GNAQ: variants seen among roughly 807,000 people sequenced by gnomAD.
The protein encoded by GNAQ is G protein subunit alpha q.
In GNAQ, 8 loss-of-function variants were observed where a neutral mutation model predicts 43.9. The observed-to-expected ratio is 0.18, with a 90% CI of 0.11 to 0.33. The LOEUF is 0.33. Ranked by LOEUF, GNAQ falls within the 10% of genes least tolerant of loss-of-function variation. The pLI is 1.00. For synonymous variants in GNAQ, 155 were observed against 170.7 expected (o/e 0.91, Z 0.71); for missense variants, 158 against 450.8 (o/e 0.35, Z 5.88).
At chr9:77,762,184 G>C (rs1275357848) in intron 5 of GNAQ, among the ~76,000 whole-genome samples, 1 of 129,806 alleles carries the variant, frequency 7.7e-6, no homozygotes, top group Non-Finnish European at 1.7e-5. Flanking sequence ...GCCTCTGCCC[G>C]GCCACCCCTA....
At chr9:77,898,909 A>G (rs1156784142) in intron 2 of GNAQ, among the ~76,000 whole-genome samples, 1 of 152,204 alleles carries the variant, frequency 6.6e-6, no homozygotes, top group Admixed American at 6.5e-5. Context: ...TATAAAAGAC[A>G]TAATATATCA....
intron 1 of GNAQ, among the ~76,000 whole-genome samples, chr9:77,969,386 C>T (rs1444085067): frequency 3.9e-5 from 6 of 152,142 alleles, no homozygotes; most frequent in Admixed American, 3.9e-4. Flanking sequence ...CCAATTTAAA[C>T]TCAGGAATTA....
intron 1 of GNAQ, among the ~76,000 whole-genome samples, chr9:77,942,417 T>C (rs1341967498): frequency 2.6e-5 from 4 of 152,232 alleles, no homozygotes; most frequent in African/African-American, 7.2e-5. Flanking sequence ...GAGTTGTTTT[T>C]CTTAATTCTG....
intron 1 of GNAQ, among the ~76,000 whole-genome samples, chr9:77,973,044 T>C (rs1305019404): frequency 6.6e-6 from 1 of 150,508 alleles, no homozygotes; most frequent in Non-Finnish European, 1.5e-5. Context: ...ACATACCACA[T>C]TACTGGACTT....
chr9:77,830,038 G>T (rs1827272537), intron 2 of GNAQ, among the ~76,000 whole-genome samples: 1 of 152,152 alleles, frequency 6.6e-6, no homozygotes, highest in South Asian at 2.1e-4. Context: ...CTACAGCCTT[G>T]ATCTCCAGGG....
At chr9:77,814,133 G>A (rs949913270) in intron 3 of GNAQ, among the ~76,000 whole-genome samples, 6 of 151,996 alleles carry the variant, frequency 3.9e-5, no homozygotes, top group African/African-American at 1.2e-4. Flanking sequence ...AGAGGGGGCA[G>A]GAGTAAAAAA....
At chr9:78,003,827 G>GA (rs1259129631) in intron 1 of GNAQ, among the ~76,000 whole-genome samples, 19 of 136,384 alleles carry the variant, frequency 1.4e-4, no homozygotes, top group African/African-American at 2.2e-4. Flanking sequence ...AAAAAAAAAA[G>GA]AAAAAAAAAA....
At chr9:77,898,405 T>C (rs112243875) in intron 2 of GNAQ, among the ~76,000 whole-genome samples, 3 of 152,320 alleles carry the variant, frequency 2.0e-5, no homozygotes, top group African/African-American at 7.2e-5. Flanking sequence ...TCTAGGCTAT[T>C]GCCTATTCAG....
At chr9:77,736,567 G>T (rs932787761) in intron 5 of GNAQ, among the ~76,000 whole-genome samples, 3 of 152,158 alleles carry the variant, frequency 2.0e-5, no homozygotes, top group African/African-American at 7.2e-5. Flanking sequence ...GAGAAGAAAA[G>T]AAATAGAACA....
chr9:77,995,501 T>C (rs1823557498), intron 1 of GNAQ, among the ~76,000 whole-genome samples: 1 of 152,034 alleles, frequency 6.6e-6, no homozygotes, highest in African/African-American at 2.4e-5. Context: ...TATATATATA[T>C]TTTTTCCTTC....
chr9:77,897,012 C>T (rs1417931702), intron 2 of GNAQ, among the ~76,000 whole-genome samples: 1 of 152,188 alleles, frequency 6.6e-6, no homozygotes, highest in Admixed American at 6.5e-5. Flanking sequence ...TACAATGATA[C>T]TTAATTATAA....
chr9:77,786,239 G>A (rs145326322), intron 5 of GNAQ, among the ~76,000 whole-genome samples: 1,836 of 151,762 alleles, frequency 0.012, 37 homozygotes, highest in African/African-American at 0.041. Context: ...TTAGCTGGGC[G>A]TGGTGGCGGG....
rs1429838328 is a variant in GNAQ, at chr9:77,720,071, C to T, written c.*1252G>A. On this transcript the variant is annotated 3_prime_UTR_variant, in exon 7 of 7. Transcript: ENST00000286548. ...TAAACAGATTTCCTGTTAAACCACA[C>T]AGGATACTTTTTACATTGCCGGTTT... 1.7e-5 allele frequency: 4 copies of T among 232,590 alleles called. No homozygotes were observed. The highest frequency in any genetic ancestry group is 3.4e-5 in the Non-Finnish European group (4 of 117,790). The allele number at this position is 232,590 out of a possible 1,614,324, so 14.4% of individuals were successfully genotyped here.
chr9:77,762,155 C>G (rs558339618), intron 5 of GNAQ, among the ~76,000 whole-genome samples: 1 of 137,888 alleles, frequency 7.3e-6, no homozygotes, highest in African/African-American at 2.7e-5. Context: ...CCAGCCGCCC[C>G]GTCCGGGAGG....
chr9:77,963,917 C>T (rs1237975494), intron 1 of GNAQ, among the ~76,000 whole-genome samples: 2 of 152,058 alleles, frequency 1.3e-5, no homozygotes, highest in East Asian at 3.9e-4. Flanking sequence ...ATTTAAAAGG[C>T]ACCCATTTTT....
At chr9:77,739,414 G>GTT (rs549907695) in intron 5 of GNAQ, among the ~76,000 whole-genome samples, 5 of 152,218 alleles carry the variant, frequency 3.3e-5, no homozygotes, top group South Asian at 2.1e-4. Context: ...TTATAAATTT[G>GTT]TATGCAGTCT....
At chr9:77,797,447 G>A (rs1564113487) in intron 4 of GNAQ, 73 bp downstream of exon 4, 7 of 1,109,838 alleles carry the variant, frequency 6.3e-6, no homozygotes, top group Non-Finnish European at 9.7e-6. Flanking sequence ...CATGATTCCA[G>A]TATTTATAGA....
At chr9:77,786,307 G>C (rs2118418481) in intron 5 of GNAQ, among the ~76,000 whole-genome samples, 1 of 151,136 alleles carries the variant, frequency 6.6e-6, no homozygotes, top group South Asian at 2.1e-4. Context: ...GAACCCGGAA[G>C]GCAGAGCTTG....
At chr9:77,927,929 C>G (rs551605519) in intron 1 of GNAQ, among the ~76,000 whole-genome samples, 2 of 152,138 alleles carry the variant, frequency 1.3e-5, no homozygotes, top group Admixed American at 1.3e-4. Context: ...TATAGAGTAA[C>G]TGTACTTCAG....
Sources: gnomAD v4.1 joint callset for allele counts (sites outside exome capture counted in the v4.1 genomes callset) on GRCh38, gnomAD v4.1.1 for gene constraint, MANE v1.5 for transcripts, NCBI Gene and HGNC (gene_info 2026-07-23, HGNC 2026-07-21) for gene names.